The following PLEK variants were observed in gnomAD, a reference collection of about 807,000 sequenced individuals.
The protein encoded by PLEK is platelet 47 kDa protein.
In PLEK, 25 loss-of-function variants were observed where a neutral mutation model predicts 43.9. The observed-to-expected ratio is 0.57, with a 90% CI of 0.41 to 0.79. The LOEUF (loss-of-function observed/expected upper bound fraction) is 0.79. PLEK is among the 30% of genes least tolerant of loss of function. The probability of loss-of-function intolerance (pLI) is 0.00; values close to 1 mark genes in which losing one functional copy is unlikely to be tolerated. For missense variants in PLEK, 396 were observed against 413.3 expected, an observed-to-expected ratio of 0.96 and a Z score of 0.36; for synonymous variants, 152 against 144.4, an observed-to-expected ratio of 1.05 and a Z score of -0.38.
At chr2:68,374,294 C>A (rs1673462977) in intron 1 of PLEK, among the ~76,000 whole-genome samples, 1 of 152,180 alleles carries the variant, frequency 6.6e-6, no homozygotes, top group Admixed American at 6.5e-5. Context: ...CTTTTACATT[C>A]AAATGATGCC....
chr2:68,386,679 A>C lies in PLEK; in HGVS notation c.650A>C (p.Tyr217Ser). The C allele has an allele frequency of 1.2e-6, 2 of 1,611,794 alleles. No homozygotes were observed. The highest frequency in any genetic ancestry group is 1.7e-6 in the Non-Finnish European group (2 of 1,178,208). The change falls in exon 5 of 9, where the codon TAC (tyrosine) becomes TCC (serine). Residue 217 changes from tyrosine (Y) to serine (S), a missense_variant. By Grantham distance (144) the Tyr-to-Ser change is moderately radical (BLOSUM62 -2). Coordinates refer to ENST00000234313, the MANE Select transcript of PLEK (RefSeq NM_002664.3). ...NPFLDNPDAF[Y>S]YFPDSGFFCE... ...TTCCTGGACAACCCTGATGCCTTCT[A>C]CTACTTTGTAAGAAAAGCTCCCCAT...
At chr2:68,379,690 AG>A (rs1558498067) in intron 1 of PLEK, among the ~76,000 whole-genome samples, 1 of 152,076 alleles carries the variant, frequency 6.6e-6, no homozygotes, top group Non-Finnish European at 1.5e-5. Flanking sequence ...ATAGCAGGAA[AG>A]GGTTTGGGTG....
chr2:68,376,311 T>G (rs776609251), intron 1 of PLEK, among the ~76,000 whole-genome samples: 1 of 152,136 alleles, frequency 6.6e-6, no homozygotes, highest in East Asian at 1.9e-4. Context: ...CAGCCTGAAA[T>G]GTACCAGGGG....
At chr2:68,390,371 G>GA in intron 6 of PLEK, among the ~76,000 whole-genome samples, 1 of 152,306 alleles carries the variant, frequency 6.6e-6, no homozygotes, top group African/African-American at 2.4e-5. Context: ...GAGAACCACT[G>GA]AGCCAGCCTT....
intron 3 of PLEK, 147 bp downstream of exon 3, chr2:68,381,051 AC>A: frequency 1.4e-6 from 1 of 716,080 alleles, no homozygotes; most frequent in Admixed American, 2.6e-5. Context: ...TAAAATGTTT[AC>A]CTGGGTCTGA....
chr2:68,382,760 G>A (rs1673652350), intron 4 of PLEK, 127 bp downstream of exon 4: 3 of 607,960 alleles, frequency 4.9e-6, no homozygotes, highest in Non-Finnish European at 9.1e-6. Context: ...GCAGCCTGGT[G>A]AGCCTGAGGA....
chr2:68,379,179 A>G (rs992708002), intron 1 of PLEK, among the ~76,000 whole-genome samples: 13 of 152,048 alleles, frequency 8.5e-5, no homozygotes, highest in African/African-American at 2.9e-4. Context: ...AGACAGAGAG[A>G]GAGTGCTTGA....
chr2:68,372,903 T>A (rs1287265203), intron 1 of PLEK, among the ~76,000 whole-genome samples: 1 of 152,162 alleles, frequency 6.6e-6, no homozygotes, highest in Non-Finnish European at 1.5e-5. Context: ...TCAGGAGACA[T>A]GGATTCTACA....
chr2:68,393,483 A>G (rs1246506469), intron 7 of PLEK, among the ~76,000 whole-genome samples: 1 of 152,106 alleles, frequency 6.6e-6, no homozygotes, highest in Non-Finnish European at 1.5e-5. Context: ...CTATATTATA[A>G]TTTATTTGGT....
intron 6 of PLEK, among the ~76,000 whole-genome samples, chr2:68,392,895 T>A (rs548526136): frequency 6.6e-6 from 1 of 152,336 alleles, no homozygotes; most frequent in East Asian, 1.9e-4. Flanking sequence ...TTGTACCTAG[T>A]ACTGCCTTAT....
chr2:68,376,637 T>A (rs1040531055), intron 1 of PLEK, among the ~76,000 whole-genome samples: 1 of 152,186 alleles, frequency 6.6e-6, no homozygotes, highest in African/African-American at 2.4e-5. Flanking sequence ...TTTAAATTTT[T>A]GTGGGTGCAT....
intron 1 of PLEK, among the ~76,000 whole-genome samples, chr2:68,372,867 G>T (rs1673437617): frequency 6.6e-6 from 1 of 152,150 alleles, no homozygotes; most frequent in South Asian, 2.1e-4. Flanking sequence ...CATCTGAGGG[G>T]AAGGGAAAAA....
chr2:68,378,037 A>T (rs1673538550), intron 1 of PLEK, among the ~76,000 whole-genome samples: 1 of 152,184 alleles, frequency 6.6e-6, no homozygotes, highest in South Asian at 2.1e-4. Context: ...TTTATATATA[A>T]AACATGTGTA....
At chr2:68,367,675 A>G (rs1428579544) in intron 1 of PLEK, among the ~76,000 whole-genome samples, 4 of 152,248 alleles carry the variant, frequency 2.6e-5, no homozygotes, top group African/African-American at 7.2e-5. Context: ...GATTATTTGT[A>G]TCAGCATCAA....
At chr2:68,375,789 G>A (rs982115368) in intron 1 of PLEK, among the ~76,000 whole-genome samples, 3 of 152,128 alleles carry the variant, frequency 2.0e-5, no homozygotes, top group Non-Finnish European at 4.4e-5. Flanking sequence ...GTGATATCAT[G>A]GGTTAAAGAA....
At chr2:68,376,006 T>C (rs1299981391) in intron 1 of PLEK, among the ~76,000 whole-genome samples, 1 of 152,214 alleles carries the variant, frequency 6.6e-6, no homozygotes, top group Non-Finnish European at 1.5e-5. Context: ...TCATACAACT[T>C]AGCCATGCCT....
intron 8 of PLEK, among the ~76,000 whole-genome samples, chr2:68,395,068 G>C (rs1573083706): frequency 6.6e-6 from 1 of 152,162 alleles, no homozygotes; most frequent in East Asian, 1.9e-4. Flanking sequence ...GTATTGGCCA[G>C]GTTATTGCCT....
chr2:68,373,330 A>G (rs141906589), intron 1 of PLEK, among the ~76,000 whole-genome samples: 5 of 152,232 alleles, frequency 3.3e-5, no homozygotes, highest in African/African-American at 7.2e-5. Flanking sequence ...TTCATTGTGC[A>G]TAATGACCCT....
intron 1 of PLEK, among the ~76,000 whole-genome samples, chr2:68,378,437 CA>C (rs1673548505): frequency 6.6e-6 from 1 of 152,196 alleles, no homozygotes; most frequent in Admixed American, 6.5e-5. Flanking sequence ...CTTATTCCAC[CA>C]GAAGAGAAAC....
Sources: allele counts gnomAD v4.1 joint callset (sites outside exome capture counted in the v4.1 genomes callset), GRCh38; gene constraint gnomAD v4.1.1; transcripts MANE v1.5; gene names NCBI Gene and HGNC (gene_info 2026-07-23, HGNC 2026-07-21).